Variants in TAGAP observed in about 807,000 individuals in gnomAD.
TAGAP encodes the protein T-cell activation Rho GTPase-activating protein.
Under a neutral mutation model 36.0 loss-of-function variants are expected in TAGAP, and 16 were observed. The ratio of observed to expected loss-of-function variants is 0.44; its 90% CI spans 0.30 to 0.68. The LOEUF is 0.68. Among genes scored for constraint, TAGAP ranks in the 30% least tolerant of loss-of-function variants. The pLI is 0.09. For synonymous variants in TAGAP, 372 were observed against 377.4 expected, an observed-to-expected ratio of 0.99 and a Z score of 0.17; for missense variants, 794 against 921.5, an observed-to-expected ratio of 0.86 and a Z score of 1.79.
intron 7 of TAGAP, 115 bp from the exon 8 acceptor site, chr6:159,039,424 A>T (rs4709268): frequency 0.084 from 93,318 of 1,108,398 alleles, 9,324 homozygotes; most frequent in East Asian, 0.45. Context: ...GTGCATTTTC[A>T]CAAGTAATAT....
chr6:159,036,610 G>A lies in TAGAP; in HGVS notation c.1413C>T (p.Ser471=). ...SSSSLDASSD[S]SPVASPSSPK... The stretch of plus-strand genomic sequence containing the variant: ...GACTGGAAGGAGAAGCCACGGGCGA[G>A]CTGTCAGAGGACGCGTCCAGCGAGC... Residue 471 remains serine (S), a synonymous_variant, in exon 10 of 10, where the codon AGC becomes AGT. Coordinates refer to ENST00000367066, the MANE Select transcript of TAGAP (RefSeq NM_054114.5). The surrounding 1 kb of genome is among the most constrained non-coding windows in gnomAD (Gnocchi z 4.9). 7 of 1,614,162 alleles carry A rather than the reference G, an allele frequency of 4.3e-6. No homozygotes were observed. Among genetic ancestry groups the A allele is most frequent in the Non-Finnish European group, 5.1e-6 (6 of 1,180,008 alleles).
rs907391482 is a variant in TAGAP at position 159,037,546 on chromosome 6, G to T, written c.899-422C>A. On this transcript the variant is annotated intron_variant, in intron 9 of 9. Coordinates refer to ENST00000367066, the MANE Select transcript of TAGAP (RefSeq NM_054114.5). The surrounding 1 kb of genome is among the most constrained non-coding windows in gnomAD (Gnocchi z 5.1). ...AGTTCGCCCTGCTCATACCAATCAG[G>T]GCACTAGGTGATTTATTAGCAGAAC... 1.3e-5 allele frequency among the ~76,000 whole-genome samples: 2 copies of T among 152,068 alleles called. No individual in the cohort carries two copies. The highest frequency in any genetic ancestry group is 4.8e-5 in the African/African-American group (2 of 41,390).
At chr6:159,044,254 C>A in intron 1 of TAGAP, 50 bp from the exon 2 acceptor site, 1 of 1,161,840 alleles carries the variant, frequency 8.6e-7, no homozygotes, top group Admixed American at 2.8e-5. Flanking sequence ...CACAGTAGGC[C>A]ACTTTCAGCG....
intron 4 of TAGAP, among the ~76,000 whole-genome samples, chr6:159,043,342 A>G (rs906388525): frequency 2.0e-5 from 3 of 152,232 alleles, no homozygotes; most frequent in Admixed American, 6.5e-5. Flanking sequence ...TGGCCAGGAG[A>G]TTGAACCGCA....
chr6:159,035,895 C>A lies in TAGAP; in HGVS notation c.2128G>T (p.Val710Leu). 1 of 1,612,704 alleles carries A rather than the reference C, an allele frequency of 6.2e-7. No individual in the cohort carries two copies. The highest frequency in any genetic ancestry group is 8.5e-7 in the Non-Finnish European group (1 of 1,178,768). ...AAGACCGGCTGGCTACATCGTCGCA[C>A]GAGACAGTCCCGCTTATTCCTCTGC... Reference protein sequence around the residue: ...SVQRNKRDCLVRRCSQPVFEA... With the variant: ...SVQRNKRDCLLRRCSQPVFEA... The change falls in exon 10 of 10, where the codon GTG becomes TTG. Residue 710 changes from valine (V) to leucine (L), a missense_variant. Physicochemically the swap from Val to Leu is conservative, Grantham distance 32. Transcript: ENST00000367066.
chr6:159,036,136 C>T lies in TAGAP; in HGVS notation c.1887G>A (p.Glu629=), dbSNP rs770810332. 1.7e-5 allele frequency: 27 copies of T among 1,613,458 alleles called. No individual in the cohort carries two copies. The highest frequency in any genetic ancestry group is 2.3e-5 in the Non-Finnish European group (27 of 1,179,776). The part of the protein sequence containing the change: ...TVGSMRARML[E]AHCLLPPLPP... ...GAAGAGGGGGTAGGAGGCAGTGCGC[C>T]TCCAGCATCCTCGCCCTCATGCTCC... The change falls in exon 10 of 10, where the codon GAG becomes GAA. Residue 629 remains glutamate (E), a synonymous_variant. Transcript: ENST00000367066. This position sits in a 1 kb window ranked among gnomAD's most constrained non-coding sequence, Gnocchi z 4.9.
Position 159,040,737 on chromosome 6 carries a change from G to T in TAGAP, c.573C>A (p.Ile191=), listed in dbSNP as rs1205878717. The change falls in exon 7 of 10, where the codon ATC becomes ATA. Residue 191 remains isoleucine, a synonymous_variant. Transcript: ENST00000367066. ...TGATGACTTACTGTTTCAGGGCCTC[G>T]ATTCTGTCCTCCTCGTCCTGCATCT... ...ALEMQDEEDR[I]EALKQVADKL... is the part of the protein sequence containing the mutation. 2 of 1,614,026 alleles carry T rather than the reference G, an allele frequency of 1.2e-6. No homozygotes were observed. The highest frequency in any genetic ancestry group is 1.1e-5 in the South Asian group (1 of 91,072).
chr6:159,044,056 G>C lies in TAGAP; in HGVS notation c.28-25C>G, dbSNP rs767587369. ...ACTAAAAGAGAAAAAATAAAATTAG[G>C]TAAATATCTTTTGGCCCTTGCCTGT... On this transcript the variant is annotated intron_variant, in intron 2 of 9. Transcript: ENST00000367066. The C allele has an allele frequency of 4.3e-6, 7 of 1,613,386 alleles. No homozygotes were observed. In the African/African-American group the frequency reaches 9.3e-5, roughly 22 times the overall value.
intron 4 of TAGAP, 41 bp from the exon 5 acceptor site, chr6:159,042,285 C>G: frequency 6.3e-7 from 1 of 1,595,000 alleles, no homozygotes; most frequent in Non-Finnish European, 8.5e-7. Flanking sequence ...AATTAGACTA[C>G]AGTGTTAAGA....
intron 4 of TAGAP, 117 bp from the exon 5 acceptor site, chr6:159,042,361 G>A: frequency 2.0e-6 from 3 of 1,466,272 alleles, no homozygotes; most frequent in East Asian, 4.7e-5. Context: ...TATGCGATGT[G>A]AGAAAAATAA....
chr6:159,038,747 A>G (rs1779646617), intron 8 of TAGAP, among the ~76,000 whole-genome samples: 1 of 152,214 alleles, frequency 6.6e-6, no homozygotes, highest in South Asian at 2.1e-4. Context: ...TTTAAATTTA[A>G]GAACTTAAAA....
Position 159,035,685 on chromosome 6 carries a change from T to C in TAGAP, c.*142A>G. The C allele has an allele frequency of 1.3e-6, 1 of 748,372 alleles. No homozygotes were observed. Among genetic ancestry groups the C allele is most frequent in the South Asian group, 2.0e-5 (1 of 50,440 alleles). 46.4% of individuals were successfully genotyped at this position (748,372 alleles called of 1,614,324 possible). A position where few individuals can be genotyped will look rare whatever the true frequency, so the allele number is the denominator to read the frequency against. ...TATCTGATGCGCCATGGCCATGGTGTAGCTATCCTCACTGAGGAGGGCTTT... is the reference window on the plus strand; with the variant it reads ...TATCTGATGCGCCATGGCCATGGTGCAGCTATCCTCACTGAGGAGGGCTTT... On this transcript the variant is annotated 3_prime_UTR_variant, in exon 10 of 10. Transcript: ENST00000367066.
chr6:159,043,644 C>T lies in TAGAP; in HGVS notation c.93G>A (p.Lys31=). 6.2e-7 allele frequency: 1 copy of T among 1,613,978 alleles called. No individual in the cohort carries two copies. Among genetic ancestry groups the T allele is most frequent in the African/African-American group, 1.3e-5 (1 of 75,040 alleles). ...CACATGATGCCAACAGGGGATGTTCCTTGATATCACCCTAAAAACATTTTT... is the reference window on the plus strand; with the variant it reads ...CACATGATGCCAACAGGGGATGTTCTTTGATATCACCCTAAAAACATTTTT... ...LIECQSEGDI[K]EHPLLASCES... is the part of the protein sequence containing the mutation. Residue 31 remains lysine, a synonymous_variant, in exon 4 of 10, where the codon AAG becomes AAA. Transcript: ENST00000367066.
At chr6:159,040,556 G>A (rs967922715) in intron 7 of TAGAP, among the ~76,000 whole-genome samples, 167 bp downstream of exon 7, 3 of 152,138 alleles carry the variant, frequency 2.0e-5, no homozygotes, top group Non-Finnish European at 2.9e-5. Flanking sequence ...AAAGTCCAGG[G>A]CACCCTCTGG....
chr6:159,040,988 T>A, intron 6 of TAGAP, 156 bp from the exon 7 acceptor site: 1 of 630,172 alleles, frequency 1.6e-6, no homozygotes, highest in Non-Finnish European at 2.8e-6. Context: ...CAGGGAACCC[T>A]CTCTCCAACA....
In TAGAP at chr6:159,042,238, T is replaced by G. The variant is rs140113362; in HGVS notation, c.155A>C (p.Lys52Thr). The change falls in exon 5 of 10, where the codon AAG (lysine) becomes ACG (threonine). Residue 52 changes from lysine (K) to threonine (T), a missense_variant. Lys to Thr is a moderately conservative substitution (Grantham distance 78). Coordinates refer to ENST00000367066, the MANE Select transcript of TAGAP (RefSeq NM_054114.5). ...EDSICQLIEVKKRKKVLSWPF... is the reference protein window; with the variant it reads ...EDSICQLIEVTKRKKVLSWPF... ...CCAGGACAGCACCTTCTTTCTCTTC[T>G]TAACTTCTACAGCCAAGAAAACAAG... 1.7e-5 allele frequency: 27 copies of G among 1,610,248 alleles called. No homozygotes were observed. The highest frequency in any genetic ancestry group is 1.6e-4 in the African/African-American group (12 of 74,724).
chr6:159,038,971 T>A lies in TAGAP; in HGVS notation c.783+143A>T. On this transcript the variant is annotated intron_variant, in intron 8 of 9. Coordinates refer to ENST00000367066, the MANE Select transcript of TAGAP (RefSeq NM_054114.5). The stretch of plus-strand genomic sequence containing the variant: ...ATACATGTATCTGAGAGAGTGGAAC[T>A]ATGACAAAAGCATTTTGCATTTTAT... 19 of 1,504,870 alleles carry A rather than the reference T, an allele frequency of 1.3e-5. No individual in the cohort carries two copies. The South Asian group carries it at 2.5e-4, about 20-fold the overall frequency. 93.2% of individuals were successfully genotyped at this position (1,504,870 alleles called of 1,614,324 possible). A position where few individuals can be genotyped will look rare whatever the true frequency, so the allele number is the denominator to read the frequency against.
At chr6:159,038,059 A>C in intron 9 of TAGAP, 55 bp downstream of exon 9, 1 of 1,159,422 alleles carries the variant, frequency 8.6e-7, no homozygotes, top group Non-Finnish European at 1.3e-6. Flanking sequence ...CATGACTGGC[A>C]GACTGGCATG....
rs765384721 is a variant in TAGAP at position 159,036,781 on chromosome 6, T to G, written c.1242A>C (p.Glu414Asp). The G allele has an allele frequency of 8.7e-6, 14 of 1,614,060 alleles. No homozygotes were observed. Among genetic ancestry groups the G allele is most frequent in the Non-Finnish European group, 1.2e-5 (14 of 1,180,024 alleles). The part of the protein sequence containing the change: ...FPVPRVGSRL[E>D]SEEAEDPFPE... Reference sequence around the variant, plus strand: ...GAAATGGGTCTTCAGCCTCCTCACTTTCCAAACGAGAGCCTACCCGGGGCA... The same window carrying G: ...GAAATGGGTCTTCAGCCTCCTCACTGTCCAAACGAGAGCCTACCCGGGGCA... The change falls in exon 10 of 10, where the codon GAA (glutamate) becomes GAC (aspartate). Residue 414 changes from glutamate (E) to aspartate (D), a missense_variant. By Grantham distance (45) the Glu-to-Asp change is conservative. Coordinates refer to ENST00000367066, the MANE Select transcript of TAGAP (RefSeq NM_054114.5). The surrounding 1 kb of genome is among the most constrained non-coding windows in gnomAD (Gnocchi z 4.9).
Sources: allele counts gnomAD v4.1 joint callset (sites outside exome capture counted in the v4.1 genomes callset), GRCh38; gene constraint gnomAD v4.1.1; non-coding constraint Gnocchi (gnomAD v3.1); transcripts MANE v1.5; gene names NCBI Gene and HGNC (gene_info 2026-07-23, HGNC 2026-07-21).